Variants in SYNE1 observed in about 807,000 individuals in gnomAD.
SYNE1 encodes nesprin-1.
A neutral mutation model predicts 1,111.0 loss-of-function variants in SYNE1; 616 were observed. That is an observed-to-expected ratio of 0.55 (90% CI 0.52 to 0.59). The LOEUF (loss-of-function observed/expected upper bound fraction) is 0.59. Ranked by LOEUF, SYNE1 falls within the 20% of genes least tolerant of loss-of-function variation. The probability of loss-of-function intolerance (pLI) is 0.00; values close to 1 mark genes in which losing one functional copy is unlikely to be tolerated. For synonymous variants in SYNE1, 3,855 were observed against 3,825.8 expected, an observed-to-expected ratio of 1.01 and a Z score of -0.28; for missense variants, 10,006 against 10,417.0, an observed-to-expected ratio of 0.96 and a Z score of 1.72.
chr6:152,162,502 A>T (rs1289882127), intron 131 of SYNE1, among the ~76,000 whole-genome samples: 1 of 152,152 alleles, frequency 6.6e-6, no homozygotes, highest in Admixed American at 6.5e-5. Flanking sequence ...TGAAATTACG[A>T]TACCCGCCAT....
intron 3 of SYNE1, among the ~76,000 whole-genome samples, chr6:152,594,152 T>C (rs1228755280): frequency 1.3e-5 from 2 of 152,186 alleles, no homozygotes; most frequent in African/African-American, 4.8e-5. Context: ...TCCCATAAAG[T>C]CTACTGGTCT....
chr6:152,501,266 T>C (rs1042625548), intron 10 of SYNE1, among the ~76,000 whole-genome samples: 9 of 151,892 alleles, frequency 5.9e-5, no homozygotes, highest in Admixed American at 1.3e-4. Flanking sequence ...AGAATGGTCA[T>C]GTCCGTTGTT....
chr6:152,149,422 AC>A, intron 136 of SYNE1, 54 bp downstream of exon 136: 1 of 1,608,316 alleles, frequency 6.2e-7, no homozygotes, highest in Non-Finnish European at 8.5e-7. Context: ...ACCCAATCCC[AC>A]ACGACTTATT....
intron 130 of SYNE1, among the ~76,000 whole-genome samples, chr6:152,169,300 C>A (rs1315863339): frequency 6.6e-6 from 1 of 151,932 alleles, no homozygotes; most frequent in Non-Finnish European, 1.5e-5. Flanking sequence ...TGGTGGCTCA[C>A]GCCTGTAATC....
intron 29 of SYNE1, among the ~76,000 whole-genome samples, chr6:152,447,132 C>T (rs554107992): frequency 6.6e-6 from 1 of 152,228 alleles, no homozygotes; most frequent in South Asian, 2.1e-4. Context: ...GACCCTAAGC[C>T]TTATTCTTAG....
At chr6:152,213,526 T>G (rs2077948155) in intron 123 of SYNE1, 86 bp downstream of exon 123, 14 of 1,484,150 alleles carry the variant, frequency 9.4e-6, no homozygotes, top group Admixed American at 1.7e-5. Flanking sequence ...AAGGGCATGA[T>G]TTTAATTCTC....
At chr6:152,359,164 G>C in intron 65 of SYNE1, 151 bp downstream of exon 65, 1 of 1,080,596 alleles carries the variant, frequency 9.3e-7, no homozygotes, top group Non-Finnish European at 1.4e-6. Context: ...TTTTGATTTT[G>C]CCAGTAATTC....
intron 3 of SYNE1, among the ~76,000 whole-genome samples, chr6:152,599,745 T>C (rs2099591698): frequency 6.6e-6 from 1 of 152,234 alleles, no homozygotes; most frequent in Admixed American, 6.5e-5. Context: ...GGTATTATTT[T>C]CTTTACATTG....
rs1563463341 is a variant in SYNE1 at position 152,371,925 on chromosome 6, CAGGACAGGACAGGAAAGGAA to C, written c.9507+1092_9507+1111del. On this transcript the variant is annotated intron_variant, in intron 59 of 145. Transcript: ENST00000367255. Reference sequence around the variant, plus strand: ...AAGGAAAGGAAAGGAAAGGAAAGGACAGGACAGGACAGGAAAGGAAAGGAAAGGAAAGGAAAGGAAAAGAA... The same window carrying C: ...AAGGAAAGGAAAGGAAAGGAAAGGACAGGAAAGGAAAGGAAAGGAAAAGAA... 1.5e-3 allele frequency among the ~76,000 whole-genome samples: 51 copies of C among 33,954 alleles called. 1 individual carries two copies. Among genetic ancestry groups the C allele is most frequent in the South Asian group, 4.8e-3 (6 of 1,250 alleles). 22.3% of individuals were successfully genotyped at this position (33,954 alleles called of 152,430 possible). A position where few individuals can be genotyped will look rare whatever the true frequency, so the allele number is the denominator to read the frequency against.
chr6:152,322,555 C>T (rs944305078), intron 82 of SYNE1, among the ~76,000 whole-genome samples: 1 of 152,132 alleles, frequency 6.6e-6, no homozygotes, highest in South Asian at 2.1e-4. Context: ...TAGTCGATGG[C>T]TATTATTTAC....
intron 3 of SYNE1, among the ~76,000 whole-genome samples, chr6:152,625,242 C>T (rs1186075361): frequency 6.6e-6 from 1 of 152,150 alleles, no homozygotes. Context: ...TTACTAAATA[C>T]CCTTGACAGA....
rs1409707023 is a variant in SYNE1, at chr6:152,483,198, T to G, written c.1237A>C (p.Thr413Pro). The change falls in exon 14 of 146, where the codon ACC (threonine) becomes CCC (proline). Residue 413 changes from threonine to proline, a missense_variant. Physicochemically the swap from Thr to Pro is conservative, Grantham distance 38. Transcript: ENST00000367255. The stretch of plus-strand genomic sequence containing the variant: ...GCTCTGTACAGCCAGGCACCTATGG[T>G]GCCCAGAGGTGCAGGAAGAGATTTA... The part of the protein sequence containing the change: ...LDKSLPAPLG[T>P]IGAWLYRAEV... 2 of 1,613,986 alleles carry G rather than the reference T, an allele frequency of 1.2e-6. No individual in the cohort carries two copies. The highest frequency in any genetic ancestry group is 1.7e-6 in the Non-Finnish European group (2 of 1,179,942).
intron 110 of SYNE1, among the ~76,000 whole-genome samples, chr6:152,235,690 A>G (rs561417601): frequency 6.6e-6 from 1 of 152,184 alleles, no homozygotes; most frequent in African/African-American, 2.4e-5. Flanking sequence ...CAAACTATAC[A>G]ATACGTTTCT....
At position 152,369,472 on chromosome 6, in the gene SYNE1, T is replaced by G; in HGVS notation, c.9650A>C (p.Gln3217Pro). 1 of 1,614,170 alleles carries G rather than the reference T, an allele frequency of 6.2e-7. No individual in the cohort carries two copies. The highest frequency in any genetic ancestry group is 8.5e-7 in the Non-Finnish European group (1 of 1,180,032). The change falls in exon 60 of 146, where the codon CAG (glutamine) becomes CCG (proline). Residue 3217 changes from glutamine (Q) to proline (P), a missense_variant and splice_region_variant. Physicochemically the swap from Gln to Pro is moderately conservative, Grantham distance 76 (BLOSUM62 -1). Around this residue, in one of 7 missense-constraint regions of SYNE1, gnomAD observed 4,955 missense variants for 5,017.2 expected, o/e 0.99. Coordinates refer to ENST00000367255, the MANE Select transcript of SYNE1 (RefSeq NM_182961.4). ...PAKRREQQKL[Q>P]SVLEEIHCYE... is the part of the protein sequence containing the mutation. Reference sequence around the variant, plus strand: ...GCTACGGGGAGGCGGGCTCATCACCTGGAGCTTCTGCTGCTCCCTCCTCTT... The same window carrying G: ...GCTACGGGGAGGCGGGCTCATCACCGGGAGCTTCTGCTGCTCCCTCCTCTT...
chr6:152,572,979 C>T (rs138411691), intron 3 of SYNE1, among the ~76,000 whole-genome samples: 26 of 152,268 alleles, frequency 1.7e-4, no homozygotes, highest in African/African-American at 6.0e-4. Flanking sequence ...AGGATTCCTT[C>T]TGGGAATGTC....
rs188698059 is a variant in SYNE1, at chr6:152,337,486, T to A, written c.12352-469A>T. 2.8e-3 allele frequency among the ~76,000 whole-genome samples: 424 copies of A among 152,288 alleles called. 2 individuals carry two copies. The highest frequency in any genetic ancestry group is 9.8e-3 in the African/African-American group (407 of 41,564). ...GTATTTTTAGTAGAGACAGGGTTTC[T>A]CTACGTTGGTCAGGCTGGTCTCGAA... On this transcript the variant is annotated intron_variant, in intron 75 of 145. Transcript: ENST00000367255.
chr6:152,586,647 T>A (rs1206673964), intron 3 of SYNE1, among the ~76,000 whole-genome samples: 4 of 112,560 alleles, frequency 3.6e-5, no homozygotes, highest in African/African-American at 1.3e-4. Flanking sequence ...TATACAAACA[T>A]ACTCTCATAC....
In SYNE1 at chr6:152,346,808, T is replaced by TCAAAC. The variant is rs1426532750; in HGVS notation, c.12078+246_12078+250dup. The stretch of plus-strand genomic sequence containing the variant: ...CTGTGCGACAGAGTGAGACTCCGTC[T>TCAAAC]CAAACAAAACAAAACAAAACAAAAA... On this transcript the variant is annotated intron_variant, in intron 73 of 145. Coordinates refer to ENST00000367255, the MANE Select transcript of SYNE1 (RefSeq NM_182961.4). Among the ~76,000 whole-genome samples, 404 of 151,920 alleles carry TCAAAC rather than the reference T, an allele frequency of 2.7e-3. 2 individuals are homozygous for TCAAAC. Among genetic ancestry groups the TCAAAC allele is most frequent in the African/African-American group, 9.4e-3 (387 of 41,288 alleles).
chr6:152,220,431 C>T (rs2079888016), intron 119 of SYNE1, among the ~76,000 whole-genome samples: 1 of 152,144 alleles, frequency 6.6e-6, no homozygotes, highest in Admixed American at 6.5e-5. Context: ...CCATTAATAT[C>T]TTAGATGAAA....
Sources: allele counts gnomAD v4.1 joint callset (sites outside exome capture counted in the v4.1 genomes callset), GRCh38; gene constraint gnomAD v4.1.1; regional missense constraint gnomAD v4.1.1; transcripts MANE v1.5; gene names NCBI Gene and HGNC (gene_info 2026-07-23, HGNC 2026-07-21).